Variants in LAMC2 observed in about 807,000 individuals in gnomAD.
LAMC2 encodes laminin subunit gamma-2.
LAMC2 carries 97 observed loss-of-function variants against 140.2 expected under a neutral mutation model. That is an observed-to-expected ratio of 0.69 (90% CI 0.59 to 0.82). The LOEUF (loss-of-function observed/expected upper bound fraction) is 0.82, where lower values mean the gene tolerates loss of function less well. LAMC2 is among the 40% of genes least tolerant of loss of function. LAMC2 has a pLI of 0.00. For missense variants in LAMC2, 1,402 were observed against 1,476.1 expected, an observed-to-expected ratio of 0.95 and a Z score of 0.82; for synonymous variants, 513 against 540.2, an observed-to-expected ratio of 0.95 and a Z score of 0.70.
chr1:183,196,917 C>T (rs1016775555), intron 1 of LAMC2, among the ~76,000 whole-genome samples: 1 of 152,080 alleles, frequency 6.6e-6, no homozygotes, highest in Non-Finnish European at 1.5e-5. Context: ...ATGAAGATGT[C>T]CCAGTGGTGA....
intron 19 of LAMC2, among the ~76,000 whole-genome samples, chr1:183,238,968 C>T (rs989888348): frequency 6.6e-6 from 1 of 152,180 alleles, no homozygotes; most frequent in South Asian, 2.1e-4. Flanking sequence ...GAGAAACATT[C>T]CCAAAATTTT....
At chr1:183,235,203 G>C (rs1382259222) in intron 15 of LAMC2, among the ~76,000 whole-genome samples, 1 of 152,074 alleles carries the variant, frequency 6.6e-6, no homozygotes, top group African/African-American at 2.4e-5. Flanking sequence ...GAGCTGAAGC[G>C]AAAGTGCGTA....
In LAMC2 at chr1:183,244,758, G is replaced by C. The variant is rs1332969780; in HGVS notation, c.*1358G>C. ...TTTCTACAACTGATTGCAACAGACTGTTGAGTTATGATAACACCAGTGGGA... is the reference window on the plus strand; with the variant it reads ...TTTCTACAACTGATTGCAACAGACTCTTGAGTTATGATAACACCAGTGGGA... On this transcript the variant is annotated 3_prime_UTR_variant, in exon 23 of 23. Coordinates refer to ENST00000264144, the MANE Select transcript of LAMC2 (RefSeq NM_005562.3). The C allele has an allele frequency of 6.6e-6, 1 of 152,646 alleles. No homozygotes were observed. The highest frequency in any genetic ancestry group is 6.5e-5 in the Admixed American group (1 of 15,278). The allele number at this position is 152,646 out of a possible 1,614,324, so 9.5% of individuals were successfully genotyped here.
chr1:183,238,425 A>C lies in LAMC2; in HGVS notation c.2869+4A>C, dbSNP rs1382930164. On this transcript the variant is annotated splice_donor_region_variant and intron_variant, in intron 19 of 22. Transcript: ENST00000264144. Reference sequence around the variant, plus strand: ...AGCATCCTTAAAAACCTCAGAGGTTAGTACTTCATGGTTCAGGTCACTTGA... The same window carrying C: ...AGCATCCTTAAAAACCTCAGAGGTTCGTACTTCATGGTTCAGGTCACTTGA... 1 of 1,588,026 alleles carries C rather than the reference A, an allele frequency of 6.3e-7. No individual in the cohort carries two copies. The highest frequency in any genetic ancestry group is 8.6e-7 in the Non-Finnish European group (1 of 1,156,138).
intron 17 of LAMC2, among the ~76,000 whole-genome samples, chr1:183,237,146 T>G (rs149029333): frequency 3.4e-4 from 52 of 152,356 alleles, no homozygotes; most frequent in African/African-American, 1.2e-3. Context: ...AGACAAAGCC[T>G]GTTTGACATT....
the LAMC2 span, chr1:183,252,568 CAG>C: frequency 3.9e-5 from 42 of 1,074,264 alleles, no homozygotes; most frequent in Admixed American, 7.1e-4. Flanking sequence ...GATGGAGAAA[CAG>C]AGAGGCAGGA....
chr1:183,202,743 A>G (rs1658749926), intron 1 of LAMC2, among the ~76,000 whole-genome samples: 1 of 152,016 alleles, frequency 6.6e-6, no homozygotes, highest in African/African-American at 2.4e-5. Context: ...AACAAATACC[A>G]CTATCCTAAT....
At chr1:183,194,139 C>T (rs551273704) in intron 1 of LAMC2, among the ~76,000 whole-genome samples, 2 of 151,948 alleles carry the variant, frequency 1.3e-5, no homozygotes, top group East Asian at 1.9e-4. Flanking sequence ...AGCCTGGTCT[C>T]GAACTCCTGA....
Position 183,240,153 on chromosome 1 carries a change from A to G in LAMC2, c.3183A>G (p.Glu1061=). The G allele has an allele frequency of 6.2e-7, 1 of 1,614,200 alleles. No homozygotes were observed. Among genetic ancestry groups the G allele is most frequent in the South Asian group, 1.1e-5 (1 of 91,084 alleles). Residue 1061 remains glutamate, a synonymous_variant, in exon 21 of 23, where the codon GAA becomes GAG. Coordinates refer to ENST00000264144, the MANE Select transcript of LAMC2 (RefSeq NM_005562.3). ...SEMREVEGEL[E]RKELEFDTNM... is the part of the protein sequence containing the mutation. ...TGAGGGAAGTGGAAGGAGAGCTGGA[A>G]AGGAAGGAGCTGGAGTTTGACACGA...
intron 14 of LAMC2, among the ~76,000 whole-genome samples, chr1:183,233,863 G>T (rs1659869376): frequency 6.8e-6 from 1 of 147,620 alleles, no homozygotes. Flanking sequence ...GGATTTCTTT[G>T]CTCTTGTCTA....
At chr1:183,248,730 G>A (rs747289430), downstream of LAMC2, 3 of 152,110 alleles carry the variant, frequency 2.0e-5, no homozygotes, top group Non-Finnish European at 4.4e-5. Context: ...CTACAAAATC[G>A]GTCCCTGTTT....
chr1:183,209,074 G>T (rs1295263972), intron 2 of LAMC2, among the ~76,000 whole-genome samples: 1 of 150,626 alleles, frequency 6.6e-6, no homozygotes, highest in Admixed American at 6.6e-5. Context: ...ACACTGTGCT[G>T]TATTCATTGT....
At chr1:183,223,023 G>A (rs1456652054) in intron 6 of LAMC2, 112 bp from the exon 7 acceptor site, 1 of 923,766 alleles carries the variant, frequency 1.1e-6, no homozygotes, top group Non-Finnish European at 1.7e-6. Context: ...GGAGTTTTGG[G>A]GCAGCATGAC....
intron 3 of LAMC2, among the ~76,000 whole-genome samples, chr1:183,217,510 T>G (rs1045681965): frequency 1.3e-5 from 2 of 152,194 alleles, no homozygotes; most frequent in African/African-American, 4.8e-5. Flanking sequence ...TCATAATAGC[T>G]GAAAAGTGAA....
At chr1:183,194,878 C>G (rs1200613486) in intron 1 of LAMC2, among the ~76,000 whole-genome samples, 4 of 152,182 alleles carry the variant, frequency 2.6e-5, no homozygotes, top group Non-Finnish European at 5.9e-5. Context: ...ATGTATAACC[C>G]TTTATTTCTG....
intron 8 of LAMC2, 136 bp from the exon 9 acceptor site, chr1:183,226,562 C>G (rs1272875104): frequency 1.3e-6 from 1 of 776,640 alleles, no homozygotes. Context: ...ACTGCCATAC[C>G]TCTCTACATG....
At chr1:183,204,574 GT>G (rs1658824930) in intron 1 of LAMC2, among the ~76,000 whole-genome samples, 1 of 152,138 alleles carries the variant, frequency 6.6e-6, no homozygotes, top group African/African-American at 2.4e-5. Flanking sequence ...TGAGGCTACA[GT>G]GAGCTGAGAT....
chr1:183,255,662 GTTTTT>G, the LAMC2 span, among the ~76,000 whole-genome samples: 1 of 100,942 alleles, frequency 9.9e-6, no homozygotes, highest in Non-Finnish European at 2.0e-5. Context: ...ATTCCTAAGG[GTTTTT>G]TTTTTTTTTT....
At position 183,228,470 on chromosome 1, in the gene LAMC2, A is replaced by G. The variant is rs772618901; in HGVS notation, c.1565A>G (p.Asn522Ser). 9 of 1,613,742 alleles carry G rather than the reference A, an allele frequency of 5.6e-6. No individual in the cohort carries two copies. Among genetic ancestry groups the G allele is most frequent in the Admixed American group, 3.3e-5 (2 of 59,982 alleles). ...TGTCAGCCCTGTCAATGCAACAACA[A>G]TGTGGACCCCAGTGCCTCTGGGAAT... ...RPCQPCQCNN[N>S]VDPSASGNCD... is the part of the protein sequence containing the mutation. Residue 522 changes from asparagine (N) to serine (S), a missense_variant, in exon 11 of 23, where the codon AAT (asparagine) becomes AGT (serine). Around this residue, in one of 3 missense-constraint regions of LAMC2, gnomAD observed 723 missense variants for 783.3 expected, o/e 0.92. Transcript: ENST00000264144. This position sits in a 1 kb window ranked among gnomAD's most constrained non-coding sequence, Gnocchi z 4.3.
Sources: allele counts gnomAD v4.1 joint callset (sites outside exome capture counted in the v4.1 genomes callset), GRCh38; gene constraint gnomAD v4.1.1; regional missense constraint gnomAD v4.1.1; non-coding constraint Gnocchi (gnomAD v3.1); transcripts MANE v1.5; gene names NCBI Gene and HGNC (gene_info 2026-07-23, HGNC 2026-07-21).